PRKCE: variants seen among roughly 807,000 people sequenced by gnomAD.
PRKCE encodes protein kinase C epsilon.
Under a neutral mutation model 85.4 loss-of-function variants are expected in PRKCE, and 16 were observed. The ratio of observed to expected loss-of-function variants is 0.19; its 90% CI spans 0.13 to 0.28. The LOEUF is 0.28. PRKCE is among the 10% of genes least tolerant of loss of function. PRKCE has a pLI of 1.00. For missense variants in PRKCE, 573 were observed against 975.2 expected (o/e 0.59, Z 5.49); for synonymous variants, 388 against 371.5 (o/e 1.04, Z -0.51).
At chr2:45,963,667 T>C (rs981678385) in intron 2 of PRKCE, among the ~76,000 whole-genome samples, 4 of 152,242 alleles carry the variant, frequency 2.6e-5, no homozygotes, top group Admixed American at 2.6e-4. Flanking sequence ...CATTCTTTCA[T>C]TGCCTTTTAT....
chr2:45,766,807 A>C (rs747152127), intron 1 of PRKCE, among the ~76,000 whole-genome samples: 1 of 152,238 alleles, frequency 6.6e-6, no homozygotes, highest in Non-Finnish European at 1.5e-5. Context: ...TGGGAGGCCA[A>C]GGTGGGAGGA....
chr2:45,804,644 A>G (rs1251823571), intron 1 of PRKCE, among the ~76,000 whole-genome samples: 2 of 152,202 alleles, frequency 1.3e-5, no homozygotes, highest in Admixed American at 6.5e-5. Flanking sequence ...GGCTGACTTC[A>G]TGGGGAAGGA....
chr2:45,666,999 C>G (rs987629470), intron 1 of PRKCE, among the ~76,000 whole-genome samples: 1 of 152,104 alleles, frequency 6.6e-6, no homozygotes, highest in African/African-American at 2.4e-5. Context: ...CACTACCATG[C>G]CTAGCTAATT....
intron 10 of PRKCE, among the ~76,000 whole-genome samples, chr2:46,083,784 G>A (rs986141544): frequency 1.3e-5 from 2 of 152,236 alleles, no homozygotes; most frequent in African/African-American, 4.8e-5. Context: ...GCTTCCATGT[G>A]ATTCTAATGC....
intron 1 of PRKCE, among the ~76,000 whole-genome samples, chr2:45,660,557 G>T (rs754627064): frequency 6.6e-6 from 1 of 152,100 alleles, no homozygotes; most frequent in Non-Finnish European, 1.5e-5. Context: ...CTTTGTAGTT[G>T]GCAGCAACAA....
chr2:46,167,343 A>G (rs926578493), intron 14 of PRKCE, among the ~76,000 whole-genome samples: 6 of 152,210 alleles, frequency 3.9e-5, no homozygotes, highest in Non-Finnish European at 5.9e-5. Context: ...TGAAATGAGT[A>G]GCACAGTGCC....
At chr2:45,964,139 C>A (rs1027374755) in intron 2 of PRKCE, among the ~76,000 whole-genome samples, 2 of 152,140 alleles carry the variant, frequency 1.3e-5, no homozygotes, top group Non-Finnish European at 2.9e-5. Flanking sequence ...CATTAAAAGG[C>A]TTGTTATTTG....
chr2:45,908,431 G>T (rs375487001), intron 2 of PRKCE, among the ~76,000 whole-genome samples: 1 of 152,178 alleles, frequency 6.6e-6, no homozygotes, highest in Non-Finnish European at 1.5e-5. Context: ...GACTGGAAGC[G>T]ACTGCTCCAC....
At chr2:45,962,062 C>G (rs1004420438) in intron 2 of PRKCE, among the ~76,000 whole-genome samples, 1 of 152,194 alleles carries the variant, frequency 6.6e-6, no homozygotes, top group African/African-American at 2.4e-5. Flanking sequence ...TTCCCAGGTA[C>G]TGCTTAAACC....
chr2:45,775,747 T>A (rs1186355646), intron 1 of PRKCE, among the ~76,000 whole-genome samples: 1 of 152,174 alleles, frequency 6.6e-6, no homozygotes, highest in Non-Finnish European at 1.5e-5. Context: ...TCGGGTTACG[T>A]TATTCTTCTG....
chr2:45,896,443 C>T (rs1696148094), intron 2 of PRKCE, among the ~76,000 whole-genome samples: 1 of 152,154 alleles, frequency 6.6e-6, no homozygotes, highest in Non-Finnish European at 1.5e-5. Flanking sequence ...AATACTGTTC[C>T]CAAAGGATGT....
intron 1 of PRKCE, among the ~76,000 whole-genome samples, chr2:45,799,140 T>A (rs1687663605): frequency 6.6e-6 from 1 of 150,646 alleles, no homozygotes; most frequent in South Asian, 2.1e-4. Flanking sequence ...CACTCCAGCC[T>A]GGGCAACAGA....
chr2:45,867,859 G>A (rs1477060369), intron 2 of PRKCE, among the ~76,000 whole-genome samples: 1 of 152,132 alleles, frequency 6.6e-6, no homozygotes, highest in Non-Finnish European at 1.5e-5. Context: ...TTGTTTGGGG[G>A]CCTTTCATCC....
At position 46,099,263 on chromosome 2, in the gene PRKCE, T is replaced by G. The variant is rs147006851; in HGVS notation, c.1592+12901T>G. Reference sequence around the variant, plus strand: ...TCTCTGGGGTTTATATACTGATCTCTTTCTACCCCACAAGATGACCCCTTT... The same window carrying G: ...TCTCTGGGGTTTATATACTGATCTCGTTCTACCCCACAAGATGACCCCTTT... On this transcript the variant is annotated intron_variant, in intron 11 of 14. Transcript: ENST00000306156. Among the ~76,000 whole-genome samples, 362 of 152,214 alleles carry G rather than the reference T, an allele frequency of 2.4e-3. 3 individuals carry two copies. The highest frequency in any genetic ancestry group is 7.9e-3 in the African/African-American group (327 of 41,526).
chr2:45,963,796 T>C (rs1391519302), intron 2 of PRKCE, among the ~76,000 whole-genome samples: 1 of 152,142 alleles, frequency 6.6e-6, no homozygotes, highest in Non-Finnish European at 1.5e-5. Context: ...GGAAAGACCA[T>C]TATTTTTCTT....
intron 4 of PRKCE, among the ~76,000 whole-genome samples, chr2:45,980,007 G>A (rs375693426): frequency 7.6e-4 from 116 of 152,284 alleles, no homozygotes; most frequent in Admixed American, 3.1e-3. Flanking sequence ...TGACCTTGGC[G>A]TATTGAAGTG....
intron 2 of PRKCE, among the ~76,000 whole-genome samples, chr2:45,910,674 T>G (rs1408587172): frequency 6.6e-6 from 1 of 152,190 alleles, no homozygotes; most frequent in Non-Finnish European, 1.5e-5. Flanking sequence ...CAGCAGGGGC[T>G]CAGTAAACAC....
chr2:45,992,242 G>A (rs954119279), intron 6 of PRKCE, among the ~76,000 whole-genome samples: 5 of 152,182 alleles, frequency 3.3e-5, no homozygotes, highest in African/African-American at 1.2e-4. Context: ...TGGGGACCAT[G>A]AGAATGTCCC....
At chr2:46,035,166 C>T (rs1334171989) in intron 10 of PRKCE, among the ~76,000 whole-genome samples, 1 of 152,204 alleles carries the variant, frequency 6.6e-6, no homozygotes, top group Non-Finnish European at 1.5e-5. Flanking sequence ...AGCACATTCC[C>T]AGCTTCCATC....
Sources: allele counts gnomAD v4.1 joint callset (sites outside exome capture counted in the v4.1 genomes callset), GRCh38; gene constraint gnomAD v4.1.1; transcripts MANE v1.5; gene names NCBI Gene and HGNC (gene_info 2026-07-23, HGNC 2026-07-21).